AKAP7: variants seen among roughly 807,000 people sequenced by gnomAD.
The protein encoded by AKAP7 is A-kinase anchoring protein 7, also known as A kinase (PRKA) anchor protein 7.
In AKAP7, 39 loss-of-function variants were observed where a neutral mutation model predicts 39.5. The ratio of observed to expected loss-of-function variants is 0.99; its 90% CI spans 0.76 to 1.29. The LOEUF (loss-of-function observed/expected upper bound fraction) is 1.29. Among genes scored for constraint, AKAP7 ranks in the 50% most tolerant of loss-of-function variants. The pLI, the probability that AKAP7 is intolerant of heterozygous loss-of-function variation, is 0.00. For synonymous variants in AKAP7, 140 were observed against 139.1 expected, an observed-to-expected ratio of 1.01 and a Z score of -0.05; for missense variants, 414 against 407.7, an observed-to-expected ratio of 1.02 and a Z score of -0.13.
intron 2 of AKAP7, among the ~76,000 whole-genome samples, chr6:131,159,379 C>T (rs1802733276): frequency 6.6e-6 from 1 of 152,104 alleles, no homozygotes; most frequent in Admixed American, 6.6e-5. Context: ...AGGCGTGAGC[C>T]ACCGAGCCTG....
intron 6 of AKAP7, among the ~76,000 whole-genome samples, chr6:131,204,891 C>T (rs1369084140): frequency 6.6e-6 from 1 of 152,092 alleles, no homozygotes; most frequent in Non-Finnish European, 1.5e-5. Context: ...AAGACTGAAG[C>T]CAGATGGTGT....
At chr6:131,250,694 CT>C in intron 7 of AKAP7, 2 of 1,467,264 alleles carry the variant, frequency 1.4e-6, no homozygotes, top group Non-Finnish European at 1.9e-6. Context: ...TAGTTTTGCT[CT>C]TTTTTTAATG....
intron 7 of AKAP7, among the ~76,000 whole-genome samples, chr6:131,246,387 T>C (rs929778169): frequency 6.6e-6 from 1 of 152,202 alleles, no homozygotes; most frequent in African/African-American, 2.4e-5. Flanking sequence ...AAAGAAAGCA[T>C]GGAAAGGTTA....
chr6:131,222,420 G>A (rs1187008782), intron 7 of AKAP7, among the ~76,000 whole-genome samples: 3 of 152,020 alleles, frequency 2.0e-5, no homozygotes, highest in South Asian at 2.1e-4. Context: ...CCAGCTACTC[G>A]GGAGGCTGAG....
At chr6:131,166,374 T>TTG (rs1403502468) in intron 4 of AKAP7, among the ~76,000 whole-genome samples, 1 of 151,952 alleles carries the variant, frequency 6.6e-6, no homozygotes, top group East Asian at 1.9e-4. Context: ...TCTGTGTGTG[T>TTG]TAGAATGGTC....
chr6:131,236,188 C>T (rs1457413522), intron 7 of AKAP7, among the ~76,000 whole-genome samples: 2 of 152,080 alleles, frequency 1.3e-5, no homozygotes, highest in African/African-American at 4.8e-5. Context: ...TTGTTTTTCT[C>T]AGGTTTGTCA....
At chr6:131,218,418 T>C (rs1809393186) in intron 6 of AKAP7, among the ~76,000 whole-genome samples, 1 of 152,074 alleles carries the variant, frequency 6.6e-6, no homozygotes, top group Non-Finnish European at 1.5e-5. Flanking sequence ...AACCACATTC[T>C]ATAGAAGAGA....
intron 7 of AKAP7, among the ~76,000 whole-genome samples, chr6:131,262,680 C>T (rs990335967): frequency 6.6e-6 from 1 of 152,082 alleles, no homozygotes; most frequent in African/African-American, 2.4e-5. Flanking sequence ...GGAAAACTCT[C>T]ACCTAGATCA....
intron 6 of AKAP7, among the ~76,000 whole-genome samples, chr6:131,208,755 T>C (rs544254002): frequency 9.8e-5 from 15 of 152,336 alleles, no homozygotes; most frequent in African/African-American, 3.4e-4. Flanking sequence ...GATTCTTTTT[T>C]TCCCCCCATG....
In AKAP7 at chr6:131,241,615, G is replaced by GTATACGTATATA. The variant is rs1461603235; in HGVS notation, c.850+21808_850+21809insATACGTATATAT. Among the ~76,000 whole-genome samples, 597 of 101,396 alleles carry GTATACGTATATA rather than the reference G, an allele frequency of 5.9e-3. 17 individuals are homozygous for GTATACGTATATA. The highest frequency in any genetic ancestry group is 0.011 in the Non-Finnish European group (485 of 43,026). 66.5% of individuals were successfully genotyped at this position (101,396 alleles called of 152,430 possible). A position where few individuals can be genotyped will look rare whatever the true frequency, so the allele number is the denominator to read the frequency against. On this transcript the variant is annotated intron_variant, in intron 7 of 7. Coordinates refer to ENST00000431975, the MANE Select transcript of AKAP7 (RefSeq NM_016377.4). ...TGTGTGTGTGTGTGTGTGTGTGTGT[G>GTATACGTATATA]TGTGTGTGTGTGTATATATATATGA...
At chr6:131,179,013 AC>A (rs1278713654) in intron 5 of AKAP7, among the ~76,000 whole-genome samples, 1 of 151,596 alleles carries the variant, frequency 6.6e-6, no homozygotes, top group Non-Finnish European at 1.5e-5. Flanking sequence ...TTCTGCTTAG[AC>A]CTTTTCATTC....
intron 7 of AKAP7, among the ~76,000 whole-genome samples, chr6:131,225,069 C>T (rs1810049988): frequency 6.6e-6 from 1 of 151,914 alleles, no homozygotes; most frequent in African/African-American, 2.4e-5. Context: ...AGTTGATTTA[C>T]TTTCATATTT....
chr6:131,152,817 A>T (rs1802041137), intron 2 of AKAP7, among the ~76,000 whole-genome samples: 1 of 112,690 alleles, frequency 8.9e-6, no homozygotes, highest in African/African-American at 3.5e-5. Context: ...ACAAAGCAAG[A>T]CTCCATCTCA....
rs185477722 is a variant in AKAP7 at position 131,279,129 on chromosome 6, C to A, written c.851-2401C>A. 5.1e-3 allele frequency among the ~76,000 whole-genome samples: 783 copies of A among 152,240 alleles called. 7 individuals carry two copies. The highest frequency in any genetic ancestry group is 0.018 in the African/African-American group (736 of 41,530). On this transcript the variant is annotated intron_variant, in intron 7 of 7. Transcript: ENST00000431975. ...TGAAGACGGGAGAAATCATGAAGCA[C>A]AATTGACAAAGCTTGGTAATTAAGG... is the stretch of plus-strand genomic sequence containing the variant.
intron 7 of AKAP7, among the ~76,000 whole-genome samples, chr6:131,246,637 T>C (rs370831285): frequency 4.6e-5 from 7 of 152,240 alleles, no homozygotes; most frequent in African/African-American, 1.7e-4. Flanking sequence ...ATTGAGTCGT[T>C]TTTCCAAGAT....
At chr6:131,246,450 G>T (rs769145971) in intron 7 of AKAP7, among the ~76,000 whole-genome samples, 7 of 152,132 alleles carry the variant, frequency 4.6e-5, no homozygotes, top group Non-Finnish European at 1.0e-4. Context: ...CCTCATCAAG[G>T]TTAACCTTCT....
chr6:131,223,128 A>G (rs897862922), intron 7 of AKAP7, among the ~76,000 whole-genome samples: 1 of 152,260 alleles, frequency 6.6e-6, no homozygotes, highest in Non-Finnish European at 1.5e-5. Flanking sequence ...GACTGCATAT[A>G]ATGAAACATA....
rs539124348 is a variant in AKAP7 at position 131,250,157 on chromosome 6, G to T, written c.850+30349G>T. 2.4e-5 allele frequency: 24 copies of T among 988,906 alleles called. No individual in the cohort carries two copies. The South Asian group carries it at 1.1e-3, about 44-fold the overall frequency. 61.3% of individuals were successfully genotyped at this position (988,906 alleles called of 1,614,324 possible). A position where few individuals can be genotyped will look rare whatever the true frequency, so the allele number is the denominator to read the frequency against. On this transcript the variant is annotated intron_variant, in intron 7 of 7. Transcript: ENST00000431975. ...TTTTTGGGGGTTTGAATTTTCATGT[G>T]TAATTACTGCAGTTGTCTGTAGGAG...
chr6:131,153,486 A>G (rs1006942735), intron 2 of AKAP7, among the ~76,000 whole-genome samples: 1 of 152,304 alleles, frequency 6.6e-6, no homozygotes, highest in East Asian at 1.9e-4. Flanking sequence ...TGATAGCAGA[A>G]TGGTTAGAGT....
Sources: allele counts gnomAD v4.1 joint callset (sites outside exome capture counted in the v4.1 genomes callset), GRCh38; gene constraint gnomAD v4.1.1; transcripts MANE v1.5; gene names NCBI Gene and HGNC (gene_info 2026-07-23, HGNC 2026-07-21).